Variants in PKHD1L1 observed in about 807,000 individuals in gnomAD.
PKHD1L1 encodes the protein fibrocystin-L.
PKHD1L1 carries 434 observed loss-of-function variants against 462.9 expected under a neutral mutation model. The ratio of observed to expected loss-of-function variants is 0.94; its 90% confidence interval spans 0.87 to 1.02. The LOEUF is 1.02. Ranked by LOEUF, PKHD1L1 falls within the 50% of genes least tolerant of loss-of-function variation. The pLI is 0.00. For synonymous variants in PKHD1L1, 1,781 were observed against 1,750.0 expected (o/e 1.02, Z -0.44); for missense variants, 5,202 against 5,096.1 (o/e 1.02, Z -0.63).
chr8:109,508,730 T>C (rs1195650144), intron 70 of PKHD1L1, among the ~76,000 whole-genome samples: 1 of 152,146 alleles, frequency 6.6e-6, no homozygotes, highest in Non-Finnish European at 1.5e-5. Flanking sequence ...TTTGGAAGAC[T>C]TATCTTGCTA....
rs773191246 is a variant in PKHD1L1, at chr8:109,413,486, T to C, written c.2301T>C (p.Asn767=). 3.2e-6 allele frequency: 5 copies of C among 1,579,478 alleles called. No homozygotes were observed. The highest frequency in any genetic ancestry group is 1.3e-5 in the African/African-American group (1 of 74,432). ...YIGLKFQYQD[N]SKITRSTDTQ... ...GTCTAAAATTTCAGTACCAAGACAA[T>C]AGCAAGATTACTAGAAGCACTGATA... The change falls in exon 21 of 78, where the codon AAT becomes AAC. Residue 767 remains asparagine (N), a synonymous_variant. Transcript: ENST00000378402.
At chr8:109,388,306 C>A (rs1192209670) in intron 6 of PKHD1L1, among the ~76,000 whole-genome samples, 191 bp from the exon 7 acceptor site, 3 of 152,036 alleles carry the variant, frequency 2.0e-5, no homozygotes, top group Non-Finnish European at 4.4e-5. Context: ...CCGATGTGTG[C>A]CAGTACCTAG....
At position 109,489,655 on chromosome 8, in the gene PKHD1L1, A is replaced by G. The variant is rs1226420965; in HGVS notation, c.9881-297A>G. 3.9e-5 allele frequency among the ~76,000 whole-genome samples: 6 copies of G among 151,958 alleles called. No homozygotes were observed. In the East Asian group the frequency reaches 1.2e-3, roughly 29 times the overall value. ...TTCTTGAGGTGGGGGCAAAAAACGT[A>G]GGTATTACAATGGTTTGTGGTCCTC... is the stretch of plus-strand genomic sequence containing the variant. On this transcript the variant is annotated intron_variant, in intron 59 of 77. Transcript: ENST00000378402.
At chr8:109,385,208 T>G (rs978926186) in intron 5 of PKHD1L1, among the ~76,000 whole-genome samples, 12 of 151,666 alleles carry the variant, frequency 7.9e-5, no homozygotes, top group Non-Finnish European at 1.6e-4. Flanking sequence ...TATTTCATTT[T>G]TATTTCACCT....
At chr8:109,389,939 C>T (rs1368705496) in intron 8 of PKHD1L1, among the ~76,000 whole-genome samples, 3 of 152,078 alleles carry the variant, frequency 2.0e-5, no homozygotes, top group African/African-American at 7.2e-5. Context: ...CCTAGGTCAT[C>T]ACTTGTCTTA....
intron 11 of PKHD1L1, among the ~76,000 whole-genome samples, chr8:109,396,650 T>C (rs1018063007): frequency 6.6e-6 from 1 of 152,224 alleles, no homozygotes; most frequent in African/African-American, 2.4e-5. Context: ...TACAAATCCA[T>C]GTAGGGCTTG....
chr8:109,471,062 T>C, intron 50 of PKHD1L1: 1 of 1,583,080 alleles, frequency 6.3e-7, no homozygotes. Flanking sequence ...TGCGATGAAA[T>C]CTTCTCCTCA....
At chr8:109,485,302 AT>A in intron 58 of PKHD1L1, 129 bp downstream of exon 58, 1 of 801,420 alleles carries the variant, frequency 1.2e-6, no homozygotes, top group Non-Finnish European at 1.9e-6. Context: ...CAGATTGGCA[AT>A]GATACCCAGT....
Position 109,444,758 on chromosome 8 carries a change from G to A in PKHD1L1, c.4889G>A (p.Arg1630Lys). The A allele has an allele frequency of 1.2e-6, 2 of 1,613,984 alleles. No individual in the cohort carries two copies. The highest frequency in any genetic ancestry group is 1.7e-6 in the Non-Finnish European group (2 of 1,179,876). The change falls in exon 38 of 78, where the codon AGG becomes AAG. Residue 1630 changes from arginine to lysine, a missense_variant. Arg to Lys is a conservative substitution (Grantham distance 26, BLOSUM62 2). Transcript: ENST00000378402. The stretch of plus-strand genomic sequence containing the variant: ...CAAAACTCAATGGATGTTGGTATCA[G>A]GGAAACTGTCACTTTGACTGTCTAC... ...DPQNSMDVGI[R>K]ETVTLTVYNL...
chr8:109,459,732 C>T lies in PKHD1L1; in HGVS notation c.7142C>T (p.Ala2381Val). Residue 2381 changes from alanine to valine, a missense_variant, in exon 47 of 78, where the codon GCA becomes GTA. Around this residue, in one of 3 missense-constraint regions of PKHD1L1, gnomAD observed 4,497 missense variants for 4,336.8 expected, o/e 1.04. Transcript: ENST00000378402. ...VTLPDGTLFE[A>V]RAEVGILTRN... ...CTCCCTGATGGAACTCTGTTTGAAG[C>T]AAGAGCAGAAGTTGGAATTCTTACA... is the stretch of plus-strand genomic sequence containing the variant. The T allele has an allele frequency of 6.2e-7, 1 of 1,611,974 alleles. No individual in the cohort carries two copies. Among genetic ancestry groups the T allele is most frequent in the Non-Finnish European group, 8.5e-7 (1 of 1,178,866 alleles).
intron 67 of PKHD1L1, among the ~76,000 whole-genome samples, chr8:109,501,602 G>T (rs372563273): frequency 6.6e-6 from 1 of 152,186 alleles, no homozygotes; most frequent in South Asian, 2.1e-4. Flanking sequence ...CAGGCAATTT[G>T]GGTCAGACAT....
At chr8:109,508,879 G>A (rs1263347768) in intron 70 of PKHD1L1, among the ~76,000 whole-genome samples, 4 of 152,106 alleles carry the variant, frequency 2.6e-5, no homozygotes, top group South Asian at 2.1e-4. Flanking sequence ...ATGCAGATCA[G>A]CTTAGGAGAC....
Position 109,497,355 on chromosome 8 carries a change from C to G in PKHD1L1, c.10599+83C>G. The G allele has an allele frequency of 2.8e-6, 4 of 1,418,120 alleles. No individual in the cohort carries two copies. The East Asian group carries it at 9.2e-5, about 33-fold the overall frequency. The allele number at this position is 1,418,120 out of a possible 1,614,324, so 87.8% of individuals were successfully genotyped here. ...TTTCTGAAGGACTAATAAGAATAAT[C>G]TCCTTAACTTCTATCTCTGTCTCGC... On this transcript the variant is annotated intron_variant, in intron 65 of 77. Coordinates refer to ENST00000378402, the MANE Select transcript of PKHD1L1 (RefSeq NM_177531.6).
chr8:109,530,014 A>G lies in PKHD1L1; in HGVS notation c.12722-66A>G, dbSNP rs1009808504. ...TGAGAAAAGTTAAAATTAATGAAAT[A>G]TATTTTAAATTATACTATATGCTAT... On this transcript the variant is annotated intron_variant, in intron 77 of 77. Coordinates refer to ENST00000378402, the MANE Select transcript of PKHD1L1 (RefSeq NM_177531.6). 1.0e-5 allele frequency: 10 copies of G among 954,216 alleles called. No homozygotes were observed. In the Admixed American group the frequency reaches 1.1e-4, roughly 11 times the overall value. The allele number at this position is 954,216 out of a possible 1,614,324, so 59.1% of individuals were successfully genotyped here.
chr8:109,470,325 C>T lies in PKHD1L1; in HGVS notation c.8605+3556C>T, dbSNP rs565710286. 16 of 1,500,788 alleles carry T rather than the reference C, an allele frequency of 1.1e-5. No homozygotes were observed. In the South Asian group the frequency reaches 1.7e-4, roughly 16 times the overall value. The allele number at this position is 1,500,788 out of a possible 1,614,324, so 93.0% of individuals were successfully genotyped here. ...CGAGGTCATCATCATATTTAGATAA[C>T]TTAGTTTGGAGAGAGAGTGAAGTTA... On this transcript the variant is annotated intron_variant, in intron 50 of 77. Coordinates refer to ENST00000378402, the MANE Select transcript of PKHD1L1 (RefSeq NM_177531.6).
intron 76 of PKHD1L1, among the ~76,000 whole-genome samples, chr8:109,525,489 A>G (rs1235557731): frequency 1.3e-5 from 2 of 152,188 alleles, no homozygotes; most frequent in Non-Finnish European, 2.9e-5. Flanking sequence ...ATAGCTCACC[A>G]CTGCTCCAAT....
At chr8:109,385,727 G>A (rs1235920615) in intron 6 of PKHD1L1, 97 bp downstream of exon 6, 8 of 680,144 alleles carry the variant, frequency 1.2e-5, no homozygotes, top group South Asian at 3.2e-5. Context: ...CCATTACAAT[G>A]TAATATAACT....
At chr8:109,442,298 T>C (rs1334528280) in intron 35 of PKHD1L1, 103 bp downstream of exon 35, 12 of 992,188 alleles carry the variant, frequency 1.2e-5, no homozygotes, top group Non-Finnish European at 1.7e-5. Flanking sequence ...ATAAATAATA[T>C]ACACAAATGC....
chr8:109,427,599 G>A (rs908164939), intron 25 of PKHD1L1, among the ~76,000 whole-genome samples: 3 of 150,866 alleles, frequency 2.0e-5, no homozygotes, highest in African/African-American at 7.5e-5. Context: ...AAGTTCATAA[G>A]GGAGTAACAC....
Sources: allele counts gnomAD v4.1 joint callset (sites outside exome capture counted in the v4.1 genomes callset), GRCh38; gene constraint gnomAD v4.1.1; regional missense constraint gnomAD v4.1.1; transcripts MANE v1.5; gene names NCBI Gene and HGNC (gene_info 2026-07-23, HGNC 2026-07-21).